The following FAM3B variants were observed in gnomAD, a reference collection of about 807,000 sequenced individuals.
The protein encoded by FAM3B is FAM3 metabolism regulating signaling molecule B.
A neutral mutation model predicts 28.4 loss-of-function variants in FAM3B; 29 were observed. The ratio of observed to expected loss-of-function variants is 1.02; its 90% CI spans 0.76 to 1.39. FAM3B has a LOEUF of 1.39. FAM3B is among the 40% of genes most tolerant of loss of function. The probability of loss-of-function intolerance (pLI) is 0.00; values close to 1 mark genes in which losing one functional copy is unlikely to be tolerated. For synonymous variants in FAM3B, 91 were observed against 103.0 expected (o/e 0.88, Z 0.71); for missense variants, 266 against 293.9 (o/e 0.91, Z 0.69).
chr21:41,344,440 C>G (rs1347133044), intron 3 of FAM3B, 36 bp from the exon 4 acceptor site: 1 of 1,602,892 alleles, frequency 6.2e-7, no homozygotes, highest in Non-Finnish European at 8.5e-7. Context: ...AGTCGCACGC[C>G]TCTTGGTACT....
At chr21:41,344,043 C>A (rs1157954990) in intron 3 of FAM3B, among the ~76,000 whole-genome samples, 3 of 152,102 alleles carry the variant, frequency 2.0e-5, no homozygotes, top group Non-Finnish European at 2.9e-5. Flanking sequence ...TTGCTTGAGC[C>A]CGAGAGGCAG....
At chr21:41,316,956 A>G (rs772453342) in intron 1 of FAM3B, 58 bp downstream of exon 1, 362 of 1,265,390 alleles carry the variant, frequency 2.9e-4, no homozygotes, top group Non-Finnish European at 3.2e-4. Context: ...ACCCCAGGGG[A>G]AGCGTCGCTC....
At chr21:41,321,772 C>T (rs567285833) in intron 1 of FAM3B, among the ~76,000 whole-genome samples, 9 of 152,274 alleles carry the variant, frequency 5.9e-5, no homozygotes, top group Admixed American at 2.6e-4. Context: ...GTGCATGGGT[C>T]GGGGACAGCT....
Position 41,326,287 on chromosome 21 carries a change from CTTCAT to C in FAM3B, c.163+3223_163+3227del, listed in dbSNP as rs965292695. ...CTGAGTTAGGAACATGGTCTTCTTTCTTCATTCACGTGGTGACACATTGTGCTTCT... is the reference window on the plus strand; with the variant it reads ...CTGAGTTAGGAACATGGTCTTCTTTCTCACGTGGTGACACATTGTGCTTCT... On this transcript the variant is annotated intron_variant, in intron 2 of 7. Transcript: ENST00000357985. This position sits in a 1 kb window ranked among gnomAD's most constrained non-coding sequence, Gnocchi z 4.0. 6.6e-6 allele frequency among the ~76,000 whole-genome samples: 1 copy of C among 152,212 alleles called. No individual in the cohort carries two copies. The highest frequency in any genetic ancestry group is 1.5e-5 in the Non-Finnish European group (1 of 68,040).
At chr21:41,354,915 A>C (rs1204038072) in intron 7 of FAM3B, among the ~76,000 whole-genome samples, 1 of 152,190 alleles carries the variant, frequency 6.6e-6, no homozygotes. Flanking sequence ...ATGGGAGAAA[A>C]TATTTGCAAA....
Position 41,328,089 on chromosome 21 carries a change from C to A in FAM3B, c.163+5023C>A, listed in dbSNP as rs190248869. Among the ~76,000 whole-genome samples, 5 of 152,322 alleles carry A rather than the reference C, an allele frequency of 3.3e-5. No homozygotes were observed. The East Asian group carries it at 9.6e-4, about 29-fold the overall frequency. Reference sequence around the variant, plus strand: ...TGACAGCAGGGCCTGGTTAAACGAACCATGGAGCTGTCTTGCTGAGAACAG... The same window carrying A: ...TGACAGCAGGGCCTGGTTAAACGAAACATGGAGCTGTCTTGCTGAGAACAG... On this transcript the variant is annotated intron_variant, in intron 2 of 7. Coordinates refer to ENST00000357985, the MANE Select transcript of FAM3B (RefSeq NM_058186.4).
chr21:41,332,921 C>T (rs989745507), intron 2 of FAM3B, among the ~76,000 whole-genome samples: 3 of 151,860 alleles, frequency 2.0e-5, no homozygotes, highest in Admixed American at 6.6e-5. Context: ...TTTTTCTAGT[C>T]TCCATTTCAT....
chr21:41,330,229 G>A (rs1236794416), intron 2 of FAM3B, among the ~76,000 whole-genome samples: 4 of 151,756 alleles, frequency 2.6e-5, no homozygotes, highest in Non-Finnish European at 5.9e-5. Context: ...TTTGAGCAGC[G>A]ACATGACACT....
At chr21:41,334,162 C>G (rs2088932103) in intron 2 of FAM3B, among the ~76,000 whole-genome samples, 1 of 152,126 alleles carries the variant, frequency 6.6e-6, no homozygotes, top group Non-Finnish European at 1.5e-5. Context: ...GGAAGCAGAG[C>G]ATAAAAGTTT....
At chr21:41,335,239 A>G (rs433654) in intron 2 of FAM3B, among the ~76,000 whole-genome samples, 39,820 of 151,992 alleles carry the variant, frequency 0.26, 6,095 homozygotes, top group African/African-American at 0.43. Context: ...CTATTGGGAA[A>G]GCATCATTGT....
intron 2 of FAM3B, among the ~76,000 whole-genome samples, chr21:41,324,148 G>C (rs1238342302): frequency 6.6e-6 from 1 of 152,200 alleles, no homozygotes; most frequent in Non-Finnish European, 1.5e-5. Context: ...ATGAATTTCA[G>C]GGGGACACAT....
intron 3 of FAM3B, among the ~76,000 whole-genome samples, chr21:41,342,977 C>T (rs1195143527): frequency 3.3e-5 from 5 of 152,202 alleles, no homozygotes; most frequent in Admixed American, 6.5e-5. Flanking sequence ...GACCTGGAAC[C>T]TTTAGCAGAA....
chr21:41,308,898 G>T (rs2088695839), intron 1 of FAM3B, among the ~76,000 whole-genome samples: 1 of 152,134 alleles, frequency 6.6e-6, no homozygotes, highest in African/African-American at 2.4e-5. Context: ...TGGTGGCAGG[G>T]TCACACAGAC....
chr21:41,352,382 C>T (rs1297938925), intron 7 of FAM3B, among the ~76,000 whole-genome samples: 2 of 151,872 alleles, frequency 1.3e-5, no homozygotes, highest in South Asian at 2.1e-4. Flanking sequence ...CACTGCTGCC[C>T]GTAATGCCCA....
chr21:41,316,431 TGGACTG>T (rs953155122), upstream of FAM3B, among the ~76,000 whole-genome samples: 5 of 152,226 alleles, frequency 3.3e-5, no homozygotes, highest in Admixed American at 3.3e-4. Flanking sequence ...ACGGCGAACT[TGGACTG>T]GGCTGGGCCT....
chr21:41,329,418 A>C (rs1177742750), intron 2 of FAM3B, among the ~76,000 whole-genome samples: 1 of 152,112 alleles, frequency 6.6e-6, no homozygotes, highest in Admixed American at 6.5e-5. Context: ...CCTATTAGTC[A>C]CTTAGGAGCC....
At chr21:41,337,443 A>G (rs2088965249) in intron 2 of FAM3B, among the ~76,000 whole-genome samples, 2 of 152,200 alleles carry the variant, frequency 1.3e-5, no homozygotes, top group Non-Finnish European at 2.9e-5. Context: ...TTCCAGCCTC[A>G]GGTCCCTCAA....
upstream of FAM3B, chr21:41,316,717 C>T (rs577295305): frequency 2.6e-5 from 14 of 537,016 alleles, no homozygotes; most frequent in African/African-American, 2.8e-4. Context: ...GCGCACCTGC[C>T]GGGTCCGCAC....
intron 1 of FAM3B, chr21:41,320,335 C>T (rs1023809484): frequency 1.3e-5 from 2 of 152,356 alleles, no homozygotes; most frequent in Non-Finnish European, 1.5e-5. Context: ...TGGTCTCAAA[C>T]TCCTGAGATC....
Sources: allele counts gnomAD v4.1 joint callset (sites outside exome capture counted in the v4.1 genomes callset), GRCh38; gene constraint gnomAD v4.1.1; non-coding constraint Gnocchi (gnomAD v3.1); transcripts MANE v1.5; gene names NCBI Gene and HGNC (gene_info 2026-07-23, HGNC 2026-07-21).